The following SLC6A3 variants were observed in gnomAD, a reference collection of about 807,000 sequenced individuals.
The protein encoded by SLC6A3 is sodium-dependent dopamine transporter.
Under a neutral mutation model 70.4 loss-of-function variants are expected in SLC6A3, and 19 were observed. That is an observed-to-expected ratio of 0.27 (90% CI 0.19 to 0.40). SLC6A3 has a LOEUF of 0.40. Ranked by LOEUF, SLC6A3 falls within the 10% of genes least tolerant of loss-of-function variation. The pLI, the probability that SLC6A3 is intolerant of heterozygous loss-of-function variation, is 1.00. For synonymous variants in SLC6A3, 368 were observed against 356.6 expected (o/e 1.03, Z -0.36); for missense variants, 613 against 838.5 (o/e 0.73, Z 3.32).
chr5:1,430,024 A>T (rs1236110801), intron 4 of SLC6A3, among the ~76,000 whole-genome samples: 1 of 152,160 alleles, frequency 6.6e-6, no homozygotes, highest in African/African-American at 2.4e-5. Context: ...AGTCCTGCCC[A>T]GACTCTCCCA....
intron 3 of SLC6A3, among the ~76,000 whole-genome samples, chr5:1,439,859 C>A (rs1034749949): frequency 6.6e-6 from 1 of 152,224 alleles, no homozygotes; most frequent in Non-Finnish European, 1.5e-5. Context: ...GAGTCAGAAA[C>A]GTCTGGGATC....
rs1755916235 is a variant in SLC6A3, at chr5:1,404,182, T to C, written c.1600-1093A>G. On this transcript the variant is annotated intron_variant, in intron 12 of 14. Transcript: ENST00000270349. The surrounding 1 kb of genome is among the most constrained non-coding windows in gnomAD (Gnocchi z 5.2). ...TCTCAGCATCTTCTTCATGCGCTAC[T>C]TCGGGCCACTTGTAGGTTTGGAGCC... Among the ~76,000 whole-genome samples the C allele has an allele frequency of 6.6e-6, 1 of 152,244 alleles. No homozygotes were observed. Among genetic ancestry groups the C allele is most frequent in the African/African-American group, 2.4e-5 (1 of 41,470 alleles).
In SLC6A3 at chr5:1,404,707, AC is replaced by A. The variant is rs1755930139; in HGVS notation, c.1599+1480del. On this transcript the variant is annotated intron_variant, in intron 12 of 14. Coordinates refer to ENST00000270349, the MANE Select transcript of SLC6A3 (RefSeq NM_001044.5). The surrounding 1 kb of genome is among the most constrained non-coding windows in gnomAD (Gnocchi z 5.2). The stretch of plus-strand genomic sequence containing the variant: ...ACGTTATGTTTCTGCTGAAATCAGA[AC>A]TTCATAGGAATTGTGCTGTCATATT... Among the ~76,000 whole-genome samples the A allele has an allele frequency of 1.3e-5, 2 of 152,224 alleles. No individual in the cohort carries two copies. Among genetic ancestry groups the A allele is most frequent in the Non-Finnish European group, 1.5e-5 (1 of 68,048 alleles).
At chr5:1,414,606 C>T in intron 8 of SLC6A3, 85 bp downstream of exon 8, 5 of 1,517,802 alleles carry the variant, frequency 3.3e-6, no homozygotes, top group Non-Finnish European at 3.6e-6. Flanking sequence ...GCGTCTCCTT[C>T]CTCTTTCACA....
In SLC6A3 at chr5:1,442,864, C is replaced by G; in HGVS notation, c.286+48G>C. 6.2e-7 allele frequency: 1 copy of G among 1,605,970 alleles called. No homozygotes were observed. Among genetic ancestry groups the G allele is most frequent in the Non-Finnish European group, 8.5e-7 (1 of 1,173,286 alleles). ...CGTGCCTTGGCCCCGGCTGCCCCTA[C>G]GACCCCCGCCCGGCCAGCATGCTCA... On this transcript the variant is annotated intron_variant, in intron 2 of 14. Coordinates refer to ENST00000270349, the MANE Select transcript of SLC6A3 (RefSeq NM_001044.5). The surrounding 1 kb of genome is among the most constrained non-coding windows in gnomAD (Gnocchi z 5.0).
At position 1,443,212 on chromosome 5, in the gene SLC6A3, T is replaced by A. The variant is rs376805472; in HGVS notation, c.-15A>T. ...CTCTTACTCATGGGCACACTGGGAGTTGAGGAATTCTGTGCTTCTTCCCTC... is the reference window on the plus strand; with the variant it reads ...CTCTTACTCATGGGCACACTGGGAGATGAGGAATTCTGTGCTTCTTCCCTC... On this transcript the variant is annotated 5_prime_UTR_variant, in exon 2 of 15. Coordinates refer to ENST00000270349, the MANE Select transcript of SLC6A3 (RefSeq NM_001044.5). 5 of 1,613,774 alleles carry A rather than the reference T, an allele frequency of 3.1e-6. No homozygotes were observed. The highest frequency in any genetic ancestry group is 1.3e-5 in the African/African-American group (1 of 74,874).
chr5:1,430,110 C>A lies in SLC6A3; in HGVS notation c.653+2354G>T, dbSNP rs185599194. ...TCAGGCAAACAACCAGGACTCATCCCGGGTGCATCTTCTCTCCCGCCTGCC... is the reference window on the plus strand; with the variant it reads ...TCAGGCAAACAACCAGGACTCATCCAGGGTGCATCTTCTCTCCCGCCTGCC... On this transcript the variant is annotated intron_variant, in intron 4 of 14. Transcript: ENST00000270349. Among the ~76,000 whole-genome samples, 87 of 152,270 alleles carry A rather than the reference C, an allele frequency of 5.7e-4. 2 individuals are homozygous for A. The East Asian group carries it at 0.015, about 26-fold the overall frequency.
chr5:1,442,847 G>A lies in SLC6A3; in HGVS notation c.286+65C>T. Reference sequence around the variant, plus strand: ...TTCATCTCGTTTCCGTACGTGCCTTGGCCCCGGCTGCCCCTACGACCCCCG... The same window carrying A: ...TTCATCTCGTTTCCGTACGTGCCTTAGCCCCGGCTGCCCCTACGACCCCCG... On this transcript the variant is annotated intron_variant, in intron 2 of 14. Transcript: ENST00000270349. The surrounding 1 kb of genome is among the most constrained non-coding windows in gnomAD (Gnocchi z 5.0). The A allele has an allele frequency of 5.2e-6, 8 of 1,536,682 alleles. No homozygotes were observed. The highest frequency in any genetic ancestry group is 7.2e-6 in the Non-Finnish European group (8 of 1,110,916).
intron 14 of SLC6A3, among the ~76,000 whole-genome samples, chr5:1,400,467 C>T (rs941759394): frequency 2.0e-5 from 3 of 152,178 alleles, no homozygotes; most frequent in Admixed American, 6.5e-5. Context: ...GAAGCCAGCC[C>T]CAGGCTCCCA....
At position 1,421,586 on chromosome 5, in the gene SLC6A3, A is replaced by G. The variant is rs1221480817; in HGVS notation, c.792+290T>C. Among the ~76,000 whole-genome samples, 2 of 152,096 alleles carry G rather than the reference A, an allele frequency of 1.3e-5. No homozygotes were observed. The highest frequency in any genetic ancestry group is 3.9e-4 in the East Asian group (2 of 5,172). ...TGCCGTGTGTCCGCCCAGCCCAGCC[A>G]CGGCCACGTGTCCCCCCACCCACCC... is the stretch of plus-strand genomic sequence containing the variant. On this transcript the variant is annotated intron_variant, in intron 5 of 14. Transcript: ENST00000270349. The surrounding 1 kb of genome is among the most constrained non-coding windows in gnomAD (Gnocchi z 7.2).
intron 8 of SLC6A3, among the ~76,000 whole-genome samples, chr5:1,412,174 G>C (rs867790320): frequency 1.3e-5 from 2 of 152,276 alleles, no homozygotes; most frequent in Non-Finnish European, 1.5e-5. Context: ...CGTGAGGTTA[G>C]ACGTGGCTGC....
chr5:1,403,227 AGACAT>A, intron 12 of SLC6A3, 138 bp from the exon 13 acceptor site: 1 of 960,112 alleles, frequency 1.0e-6, no homozygotes, highest in Non-Finnish European at 1.6e-6. Flanking sequence ...CCAGGCCTGC[AGACAT>A]GGCAGCTGGG....
Position 1,394,442 on chromosome 5 carries a change from C to T in SLC6A3, c.*293G>A, listed in dbSNP as rs1755662542. ...GAGCAGGGAGGGAGGGAGCCTCACACAGACAGCATGAAGTTAGACGTTTTT... is the reference window on the plus strand; with the variant it reads ...GAGCAGGGAGGGAGGGAGCCTCACATAGACAGCATGAAGTTAGACGTTTTT... On this transcript the variant is annotated 3_prime_UTR_variant, in exon 15 of 15. Coordinates refer to ENST00000270349, the MANE Select transcript of SLC6A3 (RefSeq NM_001044.5). The surrounding 1 kb of genome is among the most constrained non-coding windows in gnomAD (Gnocchi z 4.7). 2 of 558,008 alleles carry T rather than the reference C, an allele frequency of 3.6e-6. No individual in the cohort carries two copies. The highest frequency in any genetic ancestry group is 2.1e-5 in the South Asian group (1 of 48,296). The allele number at this position is 558,008 out of a possible 1,614,324, so 34.6% of individuals were successfully genotyped here.
At position 1,405,920 on chromosome 5, in the gene SLC6A3, G is replaced by A. The variant is rs773346363; in HGVS notation, c.1599+268C>T. Among the ~76,000 whole-genome samples, 2 of 152,208 alleles carry A rather than the reference G, an allele frequency of 1.3e-5. No homozygotes were observed. The highest frequency in any genetic ancestry group is 2.4e-5 in the African/African-American group (1 of 41,464). Reference sequence around the variant, plus strand: ...CAGCTTCCCCTCCCAACACAGAGGCGCGGCCCAAGTGCAGGACTCACAACG... The same window carrying A: ...CAGCTTCCCCTCCCAACACAGAGGCACGGCCCAAGTGCAGGACTCACAACG... On this transcript the variant is annotated intron_variant, in intron 12 of 14. Coordinates refer to ENST00000270349, the MANE Select transcript of SLC6A3 (RefSeq NM_001044.5). This position sits in a 1 kb window ranked among gnomAD's most constrained non-coding sequence, Gnocchi z 5.3.
rs1032598989 is a variant in SLC6A3 at position 1,442,290 on chromosome 5, C to T, written c.286+622G>A. Among the ~76,000 whole-genome samples, 3 of 152,190 alleles carry T rather than the reference C, an allele frequency of 2.0e-5. No individual in the cohort carries two copies. The highest frequency in any genetic ancestry group is 4.4e-5 in the Non-Finnish European group (3 of 68,032). On this transcript the variant is annotated intron_variant, in intron 2 of 14. Transcript: ENST00000270349. This position sits in a 1 kb window ranked among gnomAD's most constrained non-coding sequence, Gnocchi z 5.0. ...TCGCAGGCATCCTGTGAGGCTTCCC[C>T]CCAGATTCTTCCCCAGGCCTCCCTT...
In SLC6A3 at chr5:1,394,689, T is replaced by C. The variant is rs1372711072; in HGVS notation, c.*46A>G. 1 of 1,589,900 alleles carries C rather than the reference T, an allele frequency of 6.3e-7. No homozygotes were observed. Among genetic ancestry groups the C allele is most frequent in the Non-Finnish European group, 8.6e-7 (1 of 1,158,006 alleles). On this transcript the variant is annotated 3_prime_UTR_variant, in exon 15 of 15. Coordinates refer to ENST00000270349, the MANE Select transcript of SLC6A3 (RefSeq NM_001044.5). This position sits in a 1 kb window ranked among gnomAD's most constrained non-coding sequence, Gnocchi z 4.7. ...TAGATTTCCTTGGTTTGTTCGTGTC[T>C]CTCCCATTGCAGGATGACTTCCTGG...
In SLC6A3 at chr5:1,443,044, G is replaced by A; in HGVS notation, c.154C>T (p.Gln52Ter). ...LTSSTLTNPR[Q>*]SPVEAQDRET... ...CGATCCTGGGCCTCCACGGGGCTCT[G>A]CCGCGGGTTGGTGAGGGTGGAGCTG... is the stretch of plus-strand genomic sequence containing the variant. The change falls in exon 2 of 15, where the codon CAG (glutamine) becomes TAG (stop). Residue 52 changes from glutamine (Q) to a stop codon, truncating the protein, a stop_gained. Transcript: ENST00000270349. LOFTEE classifies it high-confidence loss of function. The A allele has an allele frequency of 6.2e-7, 1 of 1,614,244 alleles. No homozygotes were observed. The highest frequency in any genetic ancestry group is 8.5e-7 in the Non-Finnish European group (1 of 1,180,052).
At chr5:1,445,180 C>G (rs1467863611) in intron 1 of SLC6A3, among the ~76,000 whole-genome samples, 168 bp downstream of exon 1, 1 of 152,170 alleles carries the variant, frequency 6.6e-6, no homozygotes, top group African/African-American at 2.4e-5. Context: ...GTGGCGCTAT[C>G]GGGGGGCGCT....
chr5:1,416,979 G>T (rs1045268854), intron 6 of SLC6A3, among the ~76,000 whole-genome samples: 1 of 151,602 alleles, frequency 6.6e-6, no homozygotes, highest in African/African-American at 2.4e-5. Flanking sequence ...CAACATGACC[G>T]CGGCGCCCTG....
Sources: gnomAD v4.1 joint callset for allele counts (sites outside exome capture counted in the v4.1 genomes callset) on GRCh38, gnomAD v4.1.1 for gene constraint, Gnocchi (gnomAD v3.1) non-coding constraint, MANE v1.5 for transcripts, NCBI Gene and HGNC (gene_info 2026-07-23, HGNC 2026-07-21) for gene names.